Variants in SNX25 observed in about 807,000 individuals in gnomAD.
SNX25 encodes sorting nexin 25.
In SNX25, 62 loss-of-function variants were observed where a neutral mutation model predicts 113.7. That is an observed-to-expected ratio of 0.55 (90% CI 0.44 to 0.67). The LOEUF is 0.67. SNX25 is among the 30% of genes least tolerant of loss of function. SNX25 has a pLI of 0.00. For synonymous variants in SNX25, 421 were observed against 436.2 expected (o/e 0.97, Z 0.43); for missense variants, 1,014 against 1,161.0 (o/e 0.87, Z 1.84).
intron 1 of SNX25, among the ~76,000 whole-genome samples, chr4:185,220,060 C>T (rs1739545566): frequency 6.6e-6 from 1 of 152,096 alleles, no homozygotes; most frequent in Non-Finnish European, 1.5e-5. Flanking sequence ...TACTTTAGGG[C>T]AGTCTCAACT....
intron 13 of SNX25, among the ~76,000 whole-genome samples, chr4:185,348,792 C>T (rs2095300970): frequency 3.3e-5 from 5 of 152,198 alleles, no homozygotes. Flanking sequence ...AGTCACCCTA[C>T]TGAGCAACAG....
chr4:185,355,883 A>C (rs888351531), intron 15 of SNX25, among the ~76,000 whole-genome samples: 1 of 152,198 alleles, frequency 6.6e-6, no homozygotes, highest in African/African-American at 2.4e-5. Context: ...TGTCTTTGCT[A>C]TTGGTACAGA....
At chr4:185,244,081 T>C (rs1291021580) in intron 1 of SNX25, among the ~76,000 whole-genome samples, 1 of 152,188 alleles carries the variant, frequency 6.6e-6, no homozygotes, top group African/African-American at 2.4e-5. Context: ...CACCGCAGCC[T>C]GCATCTCCTG....
intron 12 of SNX25, among the ~76,000 whole-genome samples, chr4:185,343,984 C>T (rs910663355): frequency 8.5e-5 from 13 of 152,178 alleles, no homozygotes; most frequent in Middle Eastern, 3.4e-3. Flanking sequence ...TTTGGAAGGC[C>T]GAAGTGGGCG....
At chr4:185,264,391 A>G (rs1747758839) in intron 3 of SNX25, 47 bp from the exon 4 acceptor site, 1 of 1,568,134 alleles carries the variant, frequency 6.4e-7, no homozygotes, top group African/African-American at 1.4e-5. Context: ...ACATAATTGA[A>G]TTGTTTCTAG....
chr4:185,267,292 C>G (rs1011335468), intron 5 of SNX25, 137 bp downstream of exon 5: 1 of 805,284 alleles, frequency 1.2e-6, no homozygotes, highest in Admixed American at 2.8e-5. Context: ...TTAGTGACAG[C>G]TAAATTTATC....
chr4:185,320,028 G>A (rs2126682863), intron 7 of SNX25, among the ~76,000 whole-genome samples: 1 of 152,248 alleles, frequency 6.6e-6, no homozygotes, highest in Non-Finnish European at 1.5e-5. Context: ...ACTGTTGGTG[G>A]GAATGTAAAT....
intron 1 of SNX25, among the ~76,000 whole-genome samples, chr4:185,220,529 C>T (rs534163803): frequency 1.4e-5 from 2 of 145,266 alleles, no homozygotes; most frequent in South Asian, 2.2e-4. Context: ...GTCACCCAGG[C>T]TGGGGTGCAG....
the SNX25 span, chr4:185,376,870 A>T: frequency 6.9e-7 from 1 of 1,446,240 alleles, no homozygotes; most frequent in Non-Finnish European, 9.7e-7. Context: ...CTAACAACAG[A>T]ATTACAGGAA....
At position 185,334,110 on chromosome 4, in the gene SNX25, G is replaced by A. The variant is rs577534473; in HGVS notation, c.1914+1351G>A. ...TCCCAGCACTTTAGGAGGCCGAGGC[G>A]GGTGGATCACTTGAGGTCAGGAGCT... On this transcript the variant is annotated intron_variant, in intron 10 of 18. Coordinates refer to ENST00000652585, the MANE Select transcript of SNX25 (RefSeq NM_001378034.2). The surrounding 1 kb of genome is among the most constrained non-coding windows in gnomAD (Gnocchi z 4.2). Among the ~76,000 whole-genome samples the A allele has an allele frequency of 1.7e-4, 26 of 151,770 alleles. No homozygotes were observed. Among genetic ancestry groups the A allele is most frequent in the African/African-American group, 5.1e-4 (21 of 41,344 alleles).
intron 9 of SNX25, among the ~76,000 whole-genome samples, chr4:185,327,063 TA>T (rs2095161920): frequency 6.6e-6 from 1 of 152,240 alleles, no homozygotes; most frequent in Non-Finnish European, 1.5e-5. Context: ...TTAATCTAGG[TA>T]AAAATCCACA....
rs1013491619 is a variant in SNX25 at position 185,210,933 on chromosome 4, T to A, written c.429+678T>A. ...GGGAATGTAGGAAAGAACAGTGTTTTAAATGAGCGCTTCTCTTCTTCAGTG... is the reference window on the plus strand; with the variant it reads ...GGGAATGTAGGAAAGAACAGTGTTTAAAATGAGCGCTTCTCTTCTTCAGTG... On this transcript the variant is annotated intron_variant, in intron 1 of 18. Coordinates refer to ENST00000652585, the MANE Select transcript of SNX25 (RefSeq NM_001378034.2). This position sits in a 1 kb window ranked among gnomAD's most constrained non-coding sequence, Gnocchi z 4.4. Among the ~76,000 whole-genome samples the A allele has an allele frequency of 2.6e-5, 4 of 152,168 alleles. No homozygotes were observed. Among genetic ancestry groups the A allele is most frequent in the Non-Finnish European group, 5.9e-5 (4 of 68,026 alleles).
At position 185,320,831 on chromosome 4, in the gene SNX25, G is replaced by T; in HGVS notation, c.1443G>T (p.Trp481Cys). The T allele has an allele frequency of 6.2e-7, 1 of 1,604,584 alleles. No homozygotes were observed. The highest frequency in any genetic ancestry group is 8.5e-7 in the Non-Finnish European group (1 of 1,175,858). ...ACAAAAGAGCTCTGATTAGTTTTTG[G>T]GAATCTGTGGAACATTTAAAGAATG... ...RMDKRALISF[W>C]ESVEHLKNAN... Residue 481 changes from tryptophan to cysteine, a missense_variant, in exon 8 of 19, where the codon TGG (tryptophan) becomes TGT (cysteine). By Grantham distance (215) the Trp-to-Cys change is radical (BLOSUM62 -2). Coordinates refer to ENST00000652585, the MANE Select transcript of SNX25 (RefSeq NM_001378034.2).
At chr4:185,378,161 G>C in the SNX25 span, 3 of 1,613,828 alleles carry the variant, frequency 1.9e-6, no homozygotes, top group Non-Finnish European at 2.5e-6. Flanking sequence ...GGGGTTCTTG[G>C]GCAACTTTTC....
intron 7 of SNX25, among the ~76,000 whole-genome samples, chr4:185,315,344 A>G (rs2095064827): frequency 7.4e-6 from 1 of 135,808 alleles, no homozygotes; most frequent in South Asian, 2.4e-4. Flanking sequence ...TTCAGGCTGG[A>G]GTGCAGTGGT....
intron 13 of SNX25, among the ~76,000 whole-genome samples, chr4:185,348,929 A>T (rs1490532969): frequency 6.9e-6 from 1 of 145,030 alleles, no homozygotes; most frequent in Non-Finnish European, 1.5e-5. Context: ...TTTTTTTCAG[A>T]TTATACAGAT....
intron 1 of SNX25, among the ~76,000 whole-genome samples, chr4:185,233,029 A>T (rs1187263082): frequency 6.6e-6 from 1 of 152,152 alleles, no homozygotes; most frequent in East Asian, 1.9e-4. Context: ...CACACCTGTT[A>T]TGCTAGCACT....
At chr4:185,314,269 G>T (rs1294631970) in intron 7 of SNX25, among the ~76,000 whole-genome samples, 1 of 141,718 alleles carries the variant, frequency 7.1e-6, no homozygotes, top group East Asian at 2.1e-4. Flanking sequence ...CAGGAGGATC[G>T]CTTGAGGCCA....
At chr4:185,328,792 G>C (rs938983224) in intron 9 of SNX25, among the ~76,000 whole-genome samples, 4 of 152,174 alleles carry the variant, frequency 2.6e-5, no homozygotes, top group Non-Finnish European at 5.9e-5. Context: ...TTCCTGGAGA[G>C]GGAGAATGGC....
Sources: gnomAD v4.1 joint callset for allele counts (sites outside exome capture counted in the v4.1 genomes callset) on GRCh38, gnomAD v4.1.1 for gene constraint, Gnocchi (gnomAD v3.1) non-coding constraint, MANE v1.5 for transcripts, NCBI Gene and HGNC (gene_info 2026-07-23, HGNC 2026-07-21) for gene names.